Variants in COL5A2 observed in about 807,000 individuals in gnomAD.
COL5A2 encodes collagen type V alpha 2 chain.
COL5A2 carries 23 observed loss-of-function variants against 208.2 expected under a neutral mutation model. The ratio of observed to expected loss-of-function variants is 0.11; its 90% CI spans 0.08 to 0.16. The LOEUF is 0.16. Ranked by LOEUF, COL5A2 falls within the 10% of genes least tolerant of loss-of-function variation. The pLI, the probability that COL5A2 is intolerant of heterozygous loss-of-function variation, is 1.00. For missense variants in COL5A2, 1,590 were observed against 1,956.4 expected (o/e 0.81, Z 3.53); for synonymous variants, 625 against 628.5 (o/e 0.99, Z 0.08).
At chr2:189,165,271 C>T (rs1688442795) in intron 1 of COL5A2, among the ~76,000 whole-genome samples, 1 of 152,030 alleles carries the variant, frequency 6.6e-6, no homozygotes. Context: ...AAGAGCTAAG[C>T]ACAAACCTGC....
the COL5A2 span, among the ~76,000 whole-genome samples, chr2:189,334,386 G>A: frequency 6.6e-6 from 1 of 151,856 alleles, no homozygotes; most frequent in Non-Finnish European, 1.5e-5. Context: ...AAAATAAAAA[G>A]TGAATTAGCA....
At chr2:189,417,582 A>T in the COL5A2 span, among the ~76,000 whole-genome samples, 1 of 152,000 alleles carries the variant, frequency 6.6e-6, no homozygotes, top group East Asian at 1.9e-4. Context: ...TTGATGAGGG[A>T]TTAATATTTT....
the COL5A2 span, among the ~76,000 whole-genome samples, chr2:189,294,745 T>G: frequency 6.6e-6 from 1 of 152,220 alleles, no homozygotes. Context: ...TAAATATCTA[T>G]GAATAAAAAT....
chr2:189,048,863 T>C (rs1685724365), intron 44 of COL5A2, among the ~76,000 whole-genome samples: 1 of 152,178 alleles, frequency 6.6e-6, no homozygotes, highest in South Asian at 2.1e-4. Context: ...TATCAAAAAC[T>C]GATTTCCTCC....
the COL5A2 span, among the ~76,000 whole-genome samples, chr2:189,257,021 A>G: frequency 6.6e-6 from 1 of 152,232 alleles, no homozygotes; most frequent in Non-Finnish European, 1.5e-5. Context: ...AAGGTTTCCT[A>G]TTATAAACAA....
At chr2:189,150,176 G>A (rs1456030561) in intron 1 of COL5A2, among the ~76,000 whole-genome samples, 2 of 152,158 alleles carry the variant, frequency 1.3e-5, no homozygotes, top group African/African-American at 4.8e-5. Context: ...CAGGCTCACA[G>A]TCTATAATAA....
At chr2:189,281,909 C>T in the COL5A2 span, among the ~76,000 whole-genome samples, 1 of 152,180 alleles carries the variant, frequency 6.6e-6, no homozygotes, top group African/African-American at 2.4e-5. Flanking sequence ...ATAGGCTGGG[C>T]GCACTGGCTC....
chr2:189,068,107 G>C lies in COL5A2; in HGVS notation c.1309C>G (p.Pro437Ala). 6.2e-7 allele frequency: 1 copy of C among 1,613,434 alleles called. No homozygotes were observed. Among genetic ancestry groups the C allele is most frequent in the Non-Finnish European group, 8.5e-7 (1 of 1,179,432 alleles). Residue 437 changes from proline (P) to alanine (A), a missense_variant, in exon 21 of 54, where the codon CCA becomes GCA. Coordinates refer to ENST00000374866, the MANE Select transcript of COL5A2 (RefSeq NM_000393.5). ...TPGAKGPTGS[P>A]GTSGPPGSAG... ...GAGCCAGGAGGACCAGAGGTACCTG[G>C]AGAGCCCTATTAAACAGCAAGAGTG... is the stretch of plus-strand genomic sequence containing the variant.
At chr2:189,188,167 T>C (rs1032202206) in intron 1 of COL5A2, among the ~76,000 whole-genome samples, 2 of 152,184 alleles carry the variant, frequency 1.3e-5, no homozygotes, top group African/African-American at 4.8e-5. Flanking sequence ...TTTTAGCAAA[T>C]GTATACAATG....
At chr2:189,164,515 A>G (rs1688429287) in intron 1 of COL5A2, among the ~76,000 whole-genome samples, 1 of 152,130 alleles carries the variant, frequency 6.6e-6, no homozygotes, top group African/African-American at 2.4e-5. Flanking sequence ...TGATTTTGAA[A>G]AAATACAACT....
intron 1 of COL5A2, among the ~76,000 whole-genome samples, chr2:189,118,083 CA>C (rs1687430238): frequency 6.6e-6 from 1 of 151,892 alleles, no homozygotes; most frequent in African/African-American, 2.4e-5. Context: ...ATATTGAATA[CA>C]AAATGATATG....
the COL5A2 span, among the ~76,000 whole-genome samples, chr2:189,264,561 A>G: frequency 2.6e-5 from 4 of 152,190 alleles, no homozygotes; most frequent in African/African-American, 9.6e-5. Context: ...AAAAGCAAAG[A>G]GACAGTTACA....
the COL5A2 span, among the ~76,000 whole-genome samples, chr2:189,301,739 T>C: frequency 6.6e-6 from 1 of 152,130 alleles, no homozygotes; most frequent in Admixed American, 6.6e-5. Context: ...AACCACAAAA[T>C]AAAATATTCT....
chr2:189,066,127 A>C (rs1686142598), intron 23 of COL5A2, among the ~76,000 whole-genome samples: 1 of 152,254 alleles, frequency 6.6e-6, no homozygotes, highest in Non-Finnish European at 1.5e-5. Flanking sequence ...CATGAGGACT[A>C]GGACCATAGC....
At chr2:189,263,559 A>G in the COL5A2 span, among the ~76,000 whole-genome samples, 280 of 152,246 alleles carry the variant, frequency 1.8e-3, 1 homozygote, top group Non-Finnish European at 3.5e-3. Flanking sequence ...CAGTCACATA[A>G]AAGTGTAGAG....
chr2:189,234,877 T>C, the COL5A2 span, among the ~76,000 whole-genome samples: 1 of 151,732 alleles, frequency 6.6e-6, no homozygotes, highest in African/African-American at 2.4e-5. Flanking sequence ...TTTATAGTTT[T>C]AATTTTTCTA....
In COL5A2 at chr2:189,097,267, G is replaced by A. The variant is rs762902987; in HGVS notation, c.456+10C>T. ...TACGTTCCCCACAAGGAGCCCTCCT[G>A]TCAACTTACAGGTCTTCCTTTTGGC... On this transcript the variant is annotated intron_variant, in intron 6 of 53. Coordinates refer to ENST00000374866, the MANE Select transcript of COL5A2 (RefSeq NM_000393.5). 6.2e-7 allele frequency: 1 copy of A among 1,614,012 alleles called. No homozygotes were observed. Among genetic ancestry groups the A allele is most frequent in the Non-Finnish European group, 8.5e-7 (1 of 1,179,898 alleles).
the COL5A2 span, among the ~76,000 whole-genome samples, chr2:189,233,488 C>T: frequency 6.6e-6 from 1 of 151,308 alleles, no homozygotes; most frequent in South Asian, 2.1e-4. Flanking sequence ...ACCAGAAAAG[C>T]AAATGTAATT....
rs1356274894 is a variant in COL5A2, at chr2:189,078,535, A to T, written c.1040T>A (p.Leu347His). The T allele has an allele frequency of 3.9e-5, 63 of 1,612,602 alleles. No individual in the cohort carries two copies. The highest frequency in any genetic ancestry group is 5.3e-5 in the Non-Finnish European group (63 of 1,178,658). ...PRGMPGERGRLGPQGAPGQRG... is the reference protein window; with the variant it reads ...PRGMPGERGRHGPQGAPGQRG... ...ACTTACAGGAGCACCCTGTGGCCCA[A>T]GTCTCCCTCTCTCTCCTGGCATTCC... The change falls in exon 16 of 54, where the codon CTT (leucine) becomes CAT (histidine). Residue 347 changes from leucine to histidine, a missense_variant. Physicochemically the swap from Leu to His is moderately conservative, Grantham distance 99. Coordinates refer to ENST00000374866, the MANE Select transcript of COL5A2 (RefSeq NM_000393.5).
Sources: gnomAD v4.1 joint callset for allele counts (sites outside exome capture counted in the v4.1 genomes callset) on GRCh38, gnomAD v4.1.1 for gene constraint, MANE v1.5 for transcripts, NCBI Gene and HGNC (gene_info 2026-07-23, HGNC 2026-07-21) for gene names.